CSMD2: variants seen among roughly 807,000 people sequenced by gnomAD.
The protein encoded by CSMD2 is CUB and sushi domain-containing protein 2.
Under a neutral mutation model 398.5 loss-of-function variants are expected in CSMD2, and 130 were observed. The observed-to-expected ratio is 0.33, with a 90% confidence interval of 0.28 to 0.38. The LOEUF (loss-of-function observed/expected upper bound fraction) is 0.38. Among genes scored for constraint, CSMD2 ranks in the 10% least tolerant of loss-of-function variants. The probability of loss-of-function intolerance (pLI) is 1.00; values close to 1 mark genes in which losing one functional copy is unlikely to be tolerated. For synonymous variants in CSMD2, 1,828 were observed against 1,908.5 expected (o/e 0.96, Z 1.10); for missense variants, 3,829 against 4,764.9 (o/e 0.80, Z 5.78).
rs190233943 is a variant in CSMD2, at chr1:33,876,794, G to A, written c.921-29798C>T. 1.6e-4 allele frequency among the ~76,000 whole-genome samples: 25 copies of A among 152,274 alleles called. No homozygotes were observed. The East Asian group carries it at 4.4e-3, about 27-fold the overall frequency. The stretch of plus-strand genomic sequence containing the variant: ...AAGACCCTAGTCTTATTCTGATGGT[G>A]ATTTAATGCCCTGGAACTCTCAAGG... On this transcript the variant is annotated intron_variant, in intron 5 of 70. Transcript: ENST00000373381.
At chr1:33,646,930 G>T in intron 28 of CSMD2, 95 bp from the exon 29 acceptor site, 1 of 1,268,788 alleles carries the variant, frequency 7.9e-7, no homozygotes, top group Non-Finnish European at 1.1e-6. Context: ...GGCCTCCCAG[G>T]GAGCAAGCCC....
chr1:33,920,319 A>G (rs1157280315), intron 4 of CSMD2, among the ~76,000 whole-genome samples: 3 of 151,334 alleles, frequency 2.0e-5, no homozygotes, highest in Non-Finnish European at 4.4e-5. Flanking sequence ...AACTGAGGTC[A>G]GGAGTTCAAT....
chr1:33,591,117 T>C (rs1226307782), intron 44 of CSMD2, among the ~76,000 whole-genome samples: 1 of 150,540 alleles, frequency 6.6e-6, no homozygotes, highest in Non-Finnish European at 1.5e-5. Context: ...CCCTCCCGAG[T>C]AGCTGGGATT....
intron 15 of CSMD2, among the ~76,000 whole-genome samples, chr1:33,730,453 A>G (rs1299918111): frequency 2.0e-5 from 3 of 152,218 alleles, no homozygotes; most frequent in South Asian, 2.1e-4. Flanking sequence ...GATTAAGCAA[A>G]TCAATAAACT....
At chr1:33,999,018 C>A (rs1423408258) in intron 3 of CSMD2, among the ~76,000 whole-genome samples, 1 of 152,136 alleles carries the variant, frequency 6.6e-6, no homozygotes, top group Non-Finnish European at 1.5e-5. Flanking sequence ...TTTGGAAGGT[C>A]CTCCCCAGGT....
At position 33,624,851 on chromosome 1, in the gene CSMD2, C is replaced by T. The variant is rs1000150304; in HGVS notation, c.5500+200G>A. Among the ~76,000 whole-genome samples the T allele has an allele frequency of 6.6e-6, 1 of 152,186 alleles. No homozygotes were observed. The highest frequency in any genetic ancestry group is 1.5e-5 in the Non-Finnish European group (1 of 68,032). The stretch of plus-strand genomic sequence containing the variant: ...GCCCAGCTCCTCTCTCCACGTGTGC[C>T]CCGTCCCCAGTACACCGGCTGTCTT... On this transcript the variant is annotated intron_variant, in intron 34 of 70. Coordinates refer to ENST00000373381, the MANE Select transcript of CSMD2 (RefSeq NM_001281956.2). The surrounding 1 kb of genome is among the most constrained non-coding windows in gnomAD (Gnocchi z 4.7).
intron 14 of CSMD2, among the ~76,000 whole-genome samples, chr1:33,739,570 T>C (rs1238130553): frequency 6.6e-6 from 1 of 152,252 alleles, no homozygotes; most frequent in Non-Finnish European, 1.5e-5. Context: ...TGGACATTTA[T>C]AGATCAGGCA....
intron 3 of CSMD2, among the ~76,000 whole-genome samples, chr1:33,956,117 T>C (rs922520706): frequency 6.6e-6 from 1 of 151,878 alleles, no homozygotes; most frequent in African/African-American, 2.4e-5. Flanking sequence ...AAAATATACA[T>C]AAAATGTAGC....
intron 8 of CSMD2, 23 bp from the exon 9 acceptor site, chr1:33,819,860 G>T (rs1309913800): frequency 6.2e-7 from 1 of 1,613,340 alleles, no homozygotes. Flanking sequence ...GTGTGTCTGT[G>T]AGCTCCATCC....
At chr1:33,675,485 A>AG (rs1225587376) in intron 25 of CSMD2, among the ~76,000 whole-genome samples, 2 of 152,168 alleles carry the variant, frequency 1.3e-5, no homozygotes, top group African/African-American at 2.4e-5. Context: ...CCAACCAAAA[A>AG]AGTCCAGGAC....
chr1:33,577,849 C>T (rs548859846), intron 48 of CSMD2, among the ~76,000 whole-genome samples: 52 of 152,266 alleles, frequency 3.4e-4, no homozygotes, highest in Admixed American at 1.4e-3. Context: ...CAGAAAGCTG[C>T]GACTGCGGGG....
In CSMD2 at chr1:34,095,130, G is replaced by A. The variant is rs1192460770; in HGVS notation, c.188-5937C>T. Reference sequence around the variant, plus strand: ...TCACTCAAAACCGCTCAACTACATGGAAACTGAACAACCTGCTCCTGAATG... The same window carrying A: ...TCACTCAAAACCGCTCAACTACATGAAAACTGAACAACCTGCTCCTGAATG... On this transcript the variant is annotated intron_variant, in intron 1 of 70. Transcript: ENST00000373381. Among the ~76,000 whole-genome samples, 4 of 112,030 alleles carry A rather than the reference G, an allele frequency of 3.6e-5. No homozygotes were observed. The East Asian group carries it at 9.8e-4, about 27-fold the overall frequency. The allele number at this position is 112,030 out of a possible 152,430, so 73.5% of individuals were successfully genotyped here.
chr1:33,783,400 A>G (rs1228058466), intron 12 of CSMD2, among the ~76,000 whole-genome samples: 1 of 150,846 alleles, frequency 6.6e-6, no homozygotes, highest in Non-Finnish European at 1.5e-5. Context: ...ATGGATGTCT[A>G]AGAAGAAACA....
chr1:33,748,272 T>C (rs888452336), intron 13 of CSMD2, among the ~76,000 whole-genome samples: 4 of 152,190 alleles, frequency 2.6e-5, no homozygotes, highest in African/African-American at 9.7e-5. Flanking sequence ...AAGAGCCTAC[T>C]TCTCAGTGTC....
chr1:33,824,751 T>C (rs1030541193), intron 7 of CSMD2, among the ~76,000 whole-genome samples: 1 of 151,186 alleles, frequency 6.6e-6, no homozygotes, highest in Non-Finnish European at 1.5e-5. Flanking sequence ...AGCAGAAGGA[T>C]GAGAAGAACG....
chr1:33,899,079 C>G (rs1443338166), intron 5 of CSMD2, among the ~76,000 whole-genome samples: 1 of 152,176 alleles, frequency 6.6e-6, no homozygotes, highest in East Asian at 1.9e-4. Flanking sequence ...AGACCAGCAA[C>G]GAGAAGGACG....
At chr1:33,799,224 TAGA>T (rs2124912711) in intron 10 of CSMD2, among the ~76,000 whole-genome samples, 1 of 152,324 alleles carries the variant, frequency 6.6e-6, no homozygotes, top group African/African-American at 2.4e-5. Flanking sequence ...ACCTACAACA[TAGA>T]AGAATATGCA....
At chr1:34,027,916 G>GAGA (rs1649878049) in intron 3 of CSMD2, among the ~76,000 whole-genome samples, 1 of 148,344 alleles carries the variant, frequency 6.7e-6, no homozygotes, top group Admixed American at 6.9e-5. Flanking sequence ...GAGTCAGGAG[G>GAGA]AGGAGGAGGA....
At position 33,821,180 on chromosome 1, in the gene CSMD2, C is replaced by T. The variant is rs78791985; in HGVS notation, c.1112-624G>A. On this transcript the variant is annotated intron_variant, in intron 7 of 70. Transcript: ENST00000373381. ...ACCCAGTGCCACCCATCAAGGGCAC[C>T]GGGCAGAGATGGCACCTGTGATGGT... Among the ~76,000 whole-genome samples the T allele has an allele frequency of 1.7e-4, 26 of 152,256 alleles. No individual in the cohort carries two copies. In the East Asian group the frequency reaches 2.7e-3, roughly 16 times the overall value.
Sources: allele counts gnomAD v4.1 joint callset (sites outside exome capture counted in the v4.1 genomes callset), GRCh38; gene constraint gnomAD v4.1.1; non-coding constraint Gnocchi (gnomAD v3.1); transcripts MANE v1.5; gene names NCBI Gene and HGNC (gene_info 2026-07-23, HGNC 2026-07-21).